Variants in TRPM3 observed in about 807,000 individuals in gnomAD.
The protein encoded by TRPM3 is transient receptor potential cation channel subfamily M member 3, also known as long transient receptor potential channel 3.
TRPM3 carries 77 observed loss-of-function variants against 181.2 expected under a neutral mutation model. The observed-to-expected ratio is 0.42, with a 90% CI of 0.35 to 0.51. TRPM3 has a LOEUF of 0.51. Ranked by LOEUF, TRPM3 falls within the 20% of genes least tolerant of loss-of-function variation. TRPM3 has a pLI of 0.01. For missense variants in TRPM3, 1,759 were observed against 2,196.7 expected, an observed-to-expected ratio of 0.80 and a Z score of 3.98; for synonymous variants, 745 against 796.4, an observed-to-expected ratio of 0.94 and a Z score of 1.09.
intron 1 of TRPM3, among the ~76,000 whole-genome samples, chr9:71,134,243 C>T (rs1327834909): frequency 6.6e-6 from 1 of 152,026 alleles, no homozygotes; most frequent in Admixed American, 6.5e-5. Flanking sequence ...TAAATGAGGC[C>T]TGTGGCTTCA....
rs377296179 is a variant in TRPM3 at position 70,818,541 on chromosome 9, A to G, written c.973+9306T>C. Among the ~76,000 whole-genome samples the G allele has an allele frequency of 4.1e-4, 62 of 152,320 alleles. 1 individual carries two copies. In the South Asian group the frequency reaches 0.013, roughly 32 times the overall value. On this transcript the variant is annotated intron_variant, in intron 6 of 25. Coordinates refer to ENST00000677713, the MANE Select transcript of TRPM3 (RefSeq NM_001366145.2). ...CTGCGCATCAAGGACTCTGACAGGA[A>G]GGTGCTCAGCTTTGAGCACATTTCT...
At chr9:71,031,972 T>A (rs12552758) in intron 1 of TRPM3, among the ~76,000 whole-genome samples, 1 of 632 alleles carries the variant, frequency 1.6e-3, no homozygotes, top group Non-Finnish European at 5.4e-3. Flanking sequence ...TATATATATA[T>A]TATATATATA....
intron 3 of TRPM3, among the ~76,000 whole-genome samples, chr9:70,861,751 C>T (rs2095525144): frequency 6.6e-6 from 1 of 152,042 alleles, no homozygotes; most frequent in Non-Finnish European, 1.5e-5. Flanking sequence ...TTGCATAGGC[C>T]AAGACTACTT....
At chr9:71,099,918 G>A (rs1009565188) in intron 1 of TRPM3, among the ~76,000 whole-genome samples, 5 of 152,058 alleles carry the variant, frequency 3.3e-5, no homozygotes, top group African/African-American at 1.2e-4. Flanking sequence ...TAACCCCAAT[G>A]ACTATGATAT....
rs565385868 is a variant in TRPM3 at position 71,117,304 on chromosome 9, C to T, written c.177+3874G>A. On this transcript the variant is annotated intron_variant, in intron 1 of 25. Coordinates refer to ENST00000677713, the MANE Select transcript of TRPM3 (RefSeq NM_001366145.2). ...AATTCTTTTAATTGCCTCTCCCTCC[C>T]CCCTAGTTTCAAGATAATGGTCAAA... 2.6e-5 allele frequency among the ~76,000 whole-genome samples: 4 copies of T among 152,234 alleles called. No homozygotes were observed. The South Asian group carries it at 6.2e-4, about 24-fold the overall frequency.
At chr9:71,351,572 G>A (rs1036664391) in intron 1 of TRPM3, among the ~76,000 whole-genome samples, 1 of 152,116 alleles carries the variant, frequency 6.6e-6, no homozygotes, top group Non-Finnish European at 1.5e-5. Flanking sequence ...TTTTTAAACA[G>A]TCAAATACTA....
chr9:70,910,938 A>C (rs1461163437), intron 1 of TRPM3, among the ~76,000 whole-genome samples: 2 of 152,184 alleles, frequency 1.3e-5, no homozygotes, highest in East Asian at 3.9e-4. Flanking sequence ...TGAAGTTCAC[A>C]TACCTTGACT....
intron 1 of TRPM3, among the ~76,000 whole-genome samples, chr9:71,129,567 G>C (rs1304429583): frequency 2.0e-5 from 3 of 152,194 alleles, no homozygotes; most frequent in East Asian, 3.8e-4. Flanking sequence ...AATAGCCTCA[G>C]ACTGGTTAAG....
chr9:70,776,629 A>G, intron 7 of TRPM3: 1 of 547,954 alleles, frequency 1.8e-6, no homozygotes, highest in Non-Finnish European at 3.2e-6. Flanking sequence ...CTTGCTTTTC[A>G]GGGAAGAATG....
At chr9:70,579,846 C>T (rs1004509716) in intron 22 of TRPM3, among the ~76,000 whole-genome samples, 1 of 152,184 alleles carries the variant, frequency 6.6e-6, no homozygotes, top group East Asian at 1.9e-4. Context: ...CTTTGTGAAG[C>T]CTCCCCACAC....
intron 7 of TRPM3, among the ~76,000 whole-genome samples, chr9:70,764,636 C>A (rs574917334): frequency 3.3e-5 from 5 of 152,256 alleles, no homozygotes; most frequent in African/African-American, 1.2e-4. Context: ...TTGGCTAGAT[C>A]ATTTAGTGAC....
chr9:70,986,071 T>C (rs1230742346), intron 1 of TRPM3, among the ~76,000 whole-genome samples: 2 of 152,152 alleles, frequency 1.3e-5, no homozygotes, highest in Non-Finnish European at 2.9e-5. Context: ...AGGATATACA[T>C]GTATGTGGCC....
At position 70,849,337 on chromosome 9, in the gene TRPM3, G is replaced by C. The variant is rs1471801626; in HGVS notation, c.463-2746C>G. Reference sequence around the variant, plus strand: ...TTTTTTTGTATTTTTATTATAGACGGGGTTTCTTCATCTTGTCTAGGCTGG... The same window carrying C: ...TTTTTTTGTATTTTTATTATAGACGCGGTTTCTTCATCTTGTCTAGGCTGG... On this transcript the variant is annotated intron_variant, in intron 3 of 25. Transcript: ENST00000677713. 8.5e-5 allele frequency among the ~76,000 whole-genome samples: 13 copies of C among 152,220 alleles called. 1 individual carries two copies. The East Asian group carries it at 2.5e-3, about 29-fold the overall frequency.
chr9:70,914,411 G>C (rs558306135), intron 1 of TRPM3, among the ~76,000 whole-genome samples: 1 of 152,264 alleles, frequency 6.6e-6, no homozygotes, highest in East Asian at 1.9e-4. Context: ...AAAGCAGCAG[G>C]AAAACACTAG....
At chr9:71,331,843 GGAGGAA>G (rs1565470508) in intron 1 of TRPM3, among the ~76,000 whole-genome samples, 5 of 8,596 alleles carry the variant, frequency 5.8e-4, no homozygotes, top group Admixed American at 1.9e-3. Flanking sequence ...AGAGGGAGGA[GGAGGAA>G]GAAGAGGAGA....
At chr9:71,407,301 G>A (rs1428479252) in intron 1 of TRPM3, among the ~76,000 whole-genome samples, 1 of 152,170 alleles carries the variant, frequency 6.6e-6, no homozygotes, top group African/African-American at 2.4e-5. Context: ...AGTACAAGGG[G>A]TTGGGGAATT....
At chr9:70,678,715 T>C (rs2064671262) in intron 9 of TRPM3, among the ~76,000 whole-genome samples, 1 of 152,360 alleles carries the variant, frequency 6.6e-6, no homozygotes, top group South Asian at 2.1e-4. Context: ...TTGCACAAAG[T>C]TTCTACATGC....
intron 1 of TRPM3, among the ~76,000 whole-genome samples, chr9:71,224,164 C>G (rs559377905): frequency 1.3e-5 from 2 of 152,192 alleles, no homozygotes; most frequent in African/African-American, 4.8e-5. Flanking sequence ...TTGTGTCACC[C>G]CTCCTCCAGC....
chr9:71,036,228 T>C (rs1311765350), intron 1 of TRPM3, among the ~76,000 whole-genome samples: 1 of 152,182 alleles, frequency 6.6e-6, no homozygotes, highest in Non-Finnish European at 1.5e-5. Context: ...CCTTATTCCC[T>C]CATGGAAACA....
Sources: allele counts gnomAD v4.1 joint callset (sites outside exome capture counted in the v4.1 genomes callset), GRCh38; gene constraint gnomAD v4.1.1; transcripts MANE v1.5; gene names NCBI Gene and HGNC (gene_info 2026-07-23, HGNC 2026-07-21).